Variants in BLVRA observed in about 807,000 individuals in gnomAD.
BLVRA encodes the protein biliverdin reductase A.
Under a neutral mutation model 32.8 loss-of-function variants are expected in BLVRA, and 22 were observed. The ratio of observed to expected loss-of-function variants is 0.67; its 90% CI spans 0.48 to 0.96. The LOEUF is 0.96. BLVRA is among the 40% of genes least tolerant of loss of function. BLVRA has a pLI of 0.00. For missense variants in BLVRA, 323 were observed against 358.1 expected, an observed-to-expected ratio of 0.90 and a Z score of 0.79; for synonymous variants, 119 against 141.3, an observed-to-expected ratio of 0.84 and a Z score of 1.12.
At chr7:43,798,473 TTTTG>T (rs2095795251) in intron 5 of BLVRA, among the ~76,000 whole-genome samples, 1 of 152,218 alleles carries the variant, frequency 6.6e-6, no homozygotes, top group East Asian at 1.9e-4. Flanking sequence ...CATAGCTTTG[TTTTG>T]TTTTTCTATT....
intron 2 of BLVRA, among the ~76,000 whole-genome samples, chr7:43,773,922 C>T (rs1484494778): frequency 7.2e-5 from 11 of 152,206 alleles, no homozygotes; most frequent in African/African-American, 2.2e-4. Context: ...TGTTTTTTGG[C>T]TACATAAATG....
At chr7:43,767,480 G>A in intron 1 of BLVRA, 1 of 1,361,444 alleles carries the variant, frequency 7.3e-7, no homozygotes, top group African/African-American at 1.4e-5. Context: ...ATCCAATAAG[G>A]ACAGCTGTTT....
At chr7:43,758,178 A>C (rs576013028), upstream of BLVRA, among the ~76,000 whole-genome samples, 2 of 152,178 alleles carry the variant, frequency 1.3e-5, no homozygotes, top group South Asian at 4.1e-4. Context: ...GCCTCCTGGA[A>C]TATTCCCTCC....
At position 43,807,117 on chromosome 7, in the gene BLVRA, T is replaced by C; in HGVS notation, c.773T>C (p.Phe258Ser). The stretch of plus-strand genomic sequence containing the variant: ...ATATTTCTGAAAGATCAAAATATAT[T>C]TGTCCAGAAACTCTTGGGCCAGTTC... ...KNIFLKDQNI[F>S]VQKLLGQFSE... The change falls in exon 8 of 8, where the codon TTT (phenylalanine) becomes TCT (serine). Residue 258 changes from phenylalanine to serine, a missense_variant. Physicochemically the swap from Phe to Ser is radical, Grantham distance 155. Coordinates refer to ENST00000265523, the MANE Select transcript of BLVRA (RefSeq NM_000712.4). The C allele has an allele frequency of 1.2e-6, 2 of 1,614,168 alleles. No homozygotes were observed.
At chr7:43,802,320 GTTA>G (rs1247565246) in intron 6 of BLVRA, among the ~76,000 whole-genome samples, 6 of 152,126 alleles carry the variant, frequency 3.9e-5, no homozygotes, top group Non-Finnish European at 8.8e-5. Context: ...TATACTCATT[GTTA>G]TTAGTCATTG....
intron 5 of BLVRA, among the ~76,000 whole-genome samples, chr7:43,793,838 G>C (rs897353957): frequency 6.6e-6 from 1 of 151,374 alleles, no homozygotes; most frequent in Non-Finnish European, 1.5e-5. Context: ...TGGACACAAT[G>C]GTCTCAAACT....
chr7:43,771,197 A>C (rs1043199734), intron 2 of BLVRA, 27 bp downstream of exon 2: 1 of 1,611,564 alleles, frequency 6.2e-7, no homozygotes, highest in African/African-American at 1.3e-5. Context: ...GACCAGTTTA[A>C]GGGATGCTTT....
At chr7:43,802,961 C>T (rs778329031) in intron 6 of BLVRA, among the ~76,000 whole-genome samples, 1 of 152,014 alleles carries the variant, frequency 6.6e-6, no homozygotes, top group Non-Finnish European at 1.5e-5. Context: ...AGGCTAGTCT[C>T]GAACTCAAGT....
At chr7:43,805,029 G>C (rs1456872443) in intron 7 of BLVRA, among the ~76,000 whole-genome samples, 1 of 152,208 alleles carries the variant, frequency 6.6e-6, no homozygotes. Context: ...GACCAACAGT[G>C]GTGGCCCGGG....
At chr7:43,792,500 T>A (rs1336242041) in intron 4 of BLVRA, among the ~76,000 whole-genome samples, 1 of 152,246 alleles carries the variant, frequency 6.6e-6, no homozygotes, top group Non-Finnish European at 1.5e-5. Flanking sequence ...AATTAACACA[T>A]AACCAGAAAG....
chr7:43,797,572 G>A lies in BLVRA; in HGVS notation c.353-2893G>A, dbSNP rs139493149. ...TGGTGGTCTGGAATGAAACCTGCAG[G>A]ATCTCTGAGGTATGCATGTAACCGC... On this transcript the variant is annotated intron_variant, in intron 5 of 7. Transcript: ENST00000265523. Among the ~76,000 whole-genome samples, 622 of 152,282 alleles carry A rather than the reference G, an allele frequency of 4.1e-3. 3 individuals are homozygous for A. The highest frequency in any genetic ancestry group is 7.5e-3 in the Admixed American group (115 of 15,290).
At chr7:43,767,286 C>A in intron 1 of BLVRA, 2 of 1,093,978 alleles carry the variant, frequency 1.8e-6, no homozygotes, top group Non-Finnish European at 2.8e-6. Flanking sequence ...AGCACAACTA[C>A]ACTGTGGAGC....
chr7:43,803,886 G>A (rs2095801456), intron 7 of BLVRA, 39 bp downstream of exon 7: 1 of 1,609,086 alleles, frequency 6.2e-7, no homozygotes, highest in Non-Finnish European at 8.5e-7. Flanking sequence ...GAAATTTAAG[G>A]ACATCCTAGT....
intron 1 of BLVRA, among the ~76,000 whole-genome samples, chr7:43,762,606 C>CTTTT (rs1162480081): frequency 2.0e-5 from 2 of 100,860 alleles, no homozygotes; most frequent in Non-Finnish European, 1.8e-5. Flanking sequence ...CCAGTAGTTC[C>CTTTT]TTTTTTTTTT....
At chr7:43,789,838 C>A (rs568356333) in intron 3 of BLVRA, among the ~76,000 whole-genome samples, 2 of 151,880 alleles carry the variant, frequency 1.3e-5, no homozygotes, top group East Asian at 3.9e-4. Flanking sequence ...CTTCCAAGCA[C>A]CACATTTCTC....
chr7:43,762,605 C>CTTT (rs1563533682), intron 1 of BLVRA, among the ~76,000 whole-genome samples: 4 of 118,666 alleles, frequency 3.4e-5, no homozygotes, highest in African/African-American at 3.3e-5. Context: ...CCCAGTAGTT[C>CTTT]CTTTTTTTTT....
At chr7:43,799,719 T>C (rs1233011682) in intron 5 of BLVRA, among the ~76,000 whole-genome samples, 1 of 151,870 alleles carries the variant, frequency 6.6e-6, no homozygotes, top group Non-Finnish European at 1.5e-5. Context: ...GGCAATCCAC[T>C]TGCCTTGGCC....
intron 5 of BLVRA, among the ~76,000 whole-genome samples, chr7:43,793,118 T>C (rs1271085462): frequency 1.3e-5 from 2 of 152,262 alleles, no homozygotes; most frequent in South Asian, 2.1e-4. Flanking sequence ...GTGATACTTA[T>C]ATTGCTAAAT....
chr7:43,760,682 A>G (rs1433744369), intron 1 of BLVRA, among the ~76,000 whole-genome samples: 1 of 151,148 alleles, frequency 6.6e-6, no homozygotes, highest in African/African-American at 2.4e-5. Context: ...TGGACAGTGT[A>G]TACCTTTTTG....
Sources: gnomAD v4.1 joint callset for allele counts (sites outside exome capture counted in the v4.1 genomes callset) on GRCh38, gnomAD v4.1.1 for gene constraint, MANE v1.5 for transcripts, NCBI Gene and HGNC (gene_info 2026-07-23, HGNC 2026-07-21) for gene names.